Variants in PREP observed in about 807,000 individuals in gnomAD.
PREP encodes dJ355L5.1 (prolyl endopeptidase).
Under a neutral mutation model 87.6 loss-of-function variants are expected in PREP, and 29 were observed. That is an observed-to-expected ratio of 0.33 (90% CI 0.25 to 0.45). The LOEUF (loss-of-function observed/expected upper bound fraction) is 0.45, where lower values mean the gene tolerates loss of function less well. Ranked by LOEUF, PREP falls within the 20% of genes least tolerant of loss-of-function variation. PREP has a pLI of 1.00. For synonymous variants in PREP, 337 were observed against 328.6 expected (o/e 1.03, Z -0.28); for missense variants, 695 against 886.5 (o/e 0.78, Z 2.74).
chr6:105,342,152 C>T (rs1339726219), intron 7 of PREP, among the ~76,000 whole-genome samples: 1 of 152,160 alleles, frequency 6.6e-6, no homozygotes, highest in Non-Finnish European at 1.5e-5. Context: ...ACTGGCAAAC[C>T]GAATCCAGCA....
Position 105,368,902 on chromosome 6 carries a change from C to A in PREP, c.717+1G>T, listed in dbSNP as rs1479103138. On this transcript the variant is annotated splice_donor_variant, in intron 6 of 14. Transcript: ENST00000652536. LOFTEE classifies it high-confidence loss of function. ...GGTAAAATTTCACAGCTGTACAATA[C>A]CTCAGCTCCACCCATCCATTTAGGT... 6.2e-7 allele frequency: 1 copy of A among 1,613,920 alleles called. No individual in the cohort carries two copies. The highest frequency in any genetic ancestry group is 2.2e-5 in the East Asian group (1 of 44,852).
chr6:105,308,360 A>C (rs1353897526), intron 10 of PREP, among the ~76,000 whole-genome samples: 3 of 152,222 alleles, frequency 2.0e-5, no homozygotes, highest in Non-Finnish European at 4.4e-5. Flanking sequence ...AACTTGTCTA[A>C]AAGATTTCCA....
Position 105,328,908 on chromosome 6 carries a change from A to T in PREP, c.1134T>A (p.Asp378Glu). The change falls in exon 9 of 15, where the codon GAT becomes GAA. Residue 378 changes from aspartate to glutamate, a missense_variant. This residue lies in a region of PREP where 517 missense variants were observed against 620.3 expected (regional missense o/e 0.83). Transcript: ENST00000652536. ...CGCTGTACCCTACAATGCTGCCGACATCGAGCGGGAAGGTCTTAAGGAGAG... is the reference window on the plus strand; with the variant it reads ...CGCTGTACCCTACAATGCTGCCGACTTCGAGCGGGAAGGTCTTAAGGAGAG... Reference protein sequence around the residue: ...TGALLKTFPLDVGSIVGYSGQ... With the variant: ...TGALLKTFPLEVGSIVGYSGQ... The T allele has an allele frequency of 6.2e-7, 1 of 1,614,202 alleles. No homozygotes were observed. Among genetic ancestry groups the T allele is most frequent in the Non-Finnish European group, 8.5e-7 (1 of 1,180,034 alleles).
At chr6:105,326,084 A>G (rs972518494) in intron 9 of PREP, among the ~76,000 whole-genome samples, 2 of 152,170 alleles carry the variant, frequency 1.3e-5, no homozygotes, top group Non-Finnish European at 2.9e-5. Flanking sequence ...ACCCATGGAG[A>G]TTTTGTTTTA....
chr6:105,318,740 C>T (rs1770933858), intron 10 of PREP, among the ~76,000 whole-genome samples: 1 of 152,166 alleles, frequency 6.6e-6, no homozygotes, highest in Non-Finnish European at 1.5e-5. Context: ...CAGAAAGTTT[C>T]TTTTTGAAAA....
chr6:105,301,858 T>C (rs1433232323), intron 10 of PREP, among the ~76,000 whole-genome samples: 2 of 152,150 alleles, frequency 1.3e-5, no homozygotes, highest in African/African-American at 2.4e-5. Flanking sequence ...ATCTGTTTTT[T>C]GGAATAATAC....
chr6:105,298,473 G>A (rs764907824), intron 10 of PREP: 6 of 153,710 alleles, frequency 3.9e-5, no homozygotes, highest in Non-Finnish European at 5.8e-5. Flanking sequence ...TGCCAGCAAA[G>A]GGGAGGTCCC....
chr6:105,369,182 G>A (rs991957656), intron 5 of PREP, among the ~76,000 whole-genome samples, 158 bp from the exon 6 acceptor site: 8 of 152,126 alleles, frequency 5.3e-5, no homozygotes, highest in South Asian at 2.1e-4. Flanking sequence ...TACCAGCAAC[G>A]AACAAGTAGA....
At chr6:105,366,763 A>C (rs1274896811) in intron 6 of PREP, among the ~76,000 whole-genome samples, 1 of 152,216 alleles carries the variant, frequency 6.6e-6, no homozygotes, top group Non-Finnish European at 1.5e-5. Flanking sequence ...AAAGGAGGGA[A>C]ACCGACACAC....
chr6:105,281,624 C>A, intron 14 of PREP, 122 bp downstream of exon 14: 1 of 1,229,886 alleles, frequency 8.1e-7, no homozygotes. Context: ...ATCTCCTCTC[C>A]AGCAGATTAT....
intron 1 of PREP, among the ~76,000 whole-genome samples, chr6:105,399,928 C>G (rs1773381335): frequency 6.6e-6 from 1 of 152,150 alleles, no homozygotes; most frequent in African/African-American, 2.4e-5. Flanking sequence ...AAAAAATGTT[C>G]CTGGATTATG....
chr6:105,366,730 CAT>C (rs1554210428), intron 6 of PREP, among the ~76,000 whole-genome samples: 2 of 152,092 alleles, frequency 1.3e-5, no homozygotes, highest in African/African-American at 2.4e-5. Flanking sequence ...GGCACACACA[CAT>C]GGAATATTGT....
chr6:105,355,438 C>T (rs562544667), intron 6 of PREP, among the ~76,000 whole-genome samples: 1 of 152,300 alleles, frequency 6.6e-6, no homozygotes, highest in South Asian at 2.1e-4. Context: ...TGTTTTCTGA[C>T]TTGCACTGTT....
intron 10 of PREP, chr6:105,323,227 T>G: frequency 5.7e-6 from 5 of 882,830 alleles, no homozygotes; most frequent in South Asian, 2.9e-5. Flanking sequence ...GAGTGTCTAC[T>G]CTGTGTCATG....
intron 7 of PREP, among the ~76,000 whole-genome samples, chr6:105,344,219 G>A (rs569662919): frequency 2.0e-5 from 3 of 152,248 alleles, no homozygotes; most frequent in East Asian, 3.9e-4. Context: ...GGCTGGGCGC[G>A]GTGGCTCACG....
At chr6:105,326,454 C>T (rs922249031) in intron 9 of PREP, among the ~76,000 whole-genome samples, 17 of 152,184 alleles carry the variant, frequency 1.1e-4, no homozygotes, top group African/African-American at 4.1e-4. Context: ...GATGTGTTTT[C>T]ACCATGTACC....
chr6:105,376,352 C>T (rs966181963), intron 3 of PREP, 97 bp from the exon 4 acceptor site: 16 of 1,410,796 alleles, frequency 1.1e-5, no homozygotes, highest in Non-Finnish European at 1.4e-5. Context: ...AAACCAAAGA[C>T]CTAAAAAGGT....
chr6:105,327,381 G>A (rs1771193388), intron 9 of PREP, among the ~76,000 whole-genome samples: 1 of 152,156 alleles, frequency 6.6e-6, no homozygotes, highest in African/African-American at 2.4e-5. Context: ...CCCTTGCATG[G>A]TTTCCACATT....
chr6:105,337,252 A>T (rs947089834), intron 7 of PREP, among the ~76,000 whole-genome samples: 5 of 152,168 alleles, frequency 3.3e-5, no homozygotes, highest in African/African-American at 1.2e-4. Flanking sequence ...TTGAAACATT[A>T]TTTGTGGAAA....
Sources: allele counts gnomAD v4.1 joint callset (sites outside exome capture counted in the v4.1 genomes callset), GRCh38; gene constraint gnomAD v4.1.1; regional missense constraint gnomAD v4.1.1; transcripts MANE v1.5; gene names NCBI Gene and HGNC (gene_info 2026-07-23, HGNC 2026-07-21).